Variants in DOP1B observed in about 807,000 individuals in gnomAD.
DOP1B encodes protein DOP1B.
In DOP1B, 174 loss-of-function variants were observed where a neutral mutation model predicts 233.5. The ratio of observed to expected loss-of-function variants is 0.75; its 90% CI spans 0.66 to 0.85. The LOEUF is 0.85. Among genes scored for constraint, DOP1B ranks in the 40% least tolerant of loss-of-function variants. The pLI is 0.00. For missense variants in DOP1B, 2,652 were observed against 2,846.6 expected (o/e 0.93, Z 1.56); for synonymous variants, 1,190 against 1,185.6 (o/e 1.00, Z -0.08).
At chr21:36,199,360 G>C (rs1016824474) in intron 3 of DOP1B, 109 bp downstream of exon 3, 7 of 1,378,934 alleles carry the variant, frequency 5.1e-6, no homozygotes, top group Non-Finnish European at 5.9e-6. Flanking sequence ...GGCTGTGTGT[G>C]CAACAGTTTA....
intron 26 of DOP1B, among the ~76,000 whole-genome samples, chr21:36,264,627 A>C (rs1369007869): frequency 1.3e-5 from 2 of 151,728 alleles, no homozygotes; most frequent in African/African-American, 4.8e-5. Flanking sequence ...ACATGCCACC[A>C]CGCCCGGCTA....
In DOP1B at chr21:36,268,841, TG is replaced by T. The variant is rs539831181; in HGVS notation, c.5488-1171del. 4.0e-3 allele frequency among the ~76,000 whole-genome samples: 610 copies of T among 151,814 alleles called. 1 individual carries two copies. Among genetic ancestry groups the T allele is most frequent in the Non-Finnish European group, 7.2e-3 (487 of 67,902 alleles). On this transcript the variant is annotated intron_variant, in intron 26 of 36. Transcript: ENST00000691173. ...TGCACCACCACGCCTAGCTAATTTT[TG>T]TATTTTTAGCAGAGACGGGGTTTCA...
At chr21:36,227,375 A>C (rs112654935) in intron 12 of DOP1B, among the ~76,000 whole-genome samples, 2 of 150,492 alleles carry the variant, frequency 1.3e-5, no homozygotes, top group Admixed American at 1.3e-4. Context: ...GTGAAACCCC[A>C]TCTCTACTAA....
intron 33 of DOP1B, 136 bp from the exon 34 acceptor site, chr21:36,288,620 C>T: frequency 1.5e-6 from 1 of 683,244 alleles, no homozygotes; most frequent in South Asian, 2.0e-5. Context: ...CACTGCACTC[C>T]AGACTGGGTG....
At chr21:36,247,666 A>AT in intron 20 of DOP1B, 38 bp downstream of exon 20, 1 of 1,452,294 alleles carries the variant, frequency 6.9e-7, no homozygotes, top group Non-Finnish European at 9.5e-7. Flanking sequence ...GGCAATTTTC[A>AT]TGTATTGTTT....
At chr21:36,271,076 T>C (rs1412120440) in intron 27 of DOP1B, among the ~76,000 whole-genome samples, 1 of 151,768 alleles carries the variant, frequency 6.6e-6, no homozygotes, top group Non-Finnish European at 1.5e-5. Flanking sequence ...CAGTTTTATT[T>C]GTCAGTTATA....
intron 35 of DOP1B, among the ~76,000 whole-genome samples, chr21:36,290,206 CA>C (rs1236668306): frequency 5.3e-5 from 8 of 152,196 alleles, no homozygotes; most frequent in Non-Finnish European, 7.3e-5. Context: ...AGCTGTTCTG[CA>C]AAAGAAAGTC....
chr21:36,259,349 C>T (rs1471205089), intron 23 of DOP1B, among the ~76,000 whole-genome samples: 3 of 151,002 alleles, frequency 2.0e-5, no homozygotes, highest in African/African-American at 7.3e-5. Context: ...TGGTTCACTG[C>T]AACCTCTGCC....
intron 26 of DOP1B, among the ~76,000 whole-genome samples, chr21:36,266,994 G>T (rs892511523): frequency 6.6e-6 from 1 of 151,958 alleles, no homozygotes; most frequent in Non-Finnish European, 1.5e-5. Context: ...CACTTCCCTC[G>T]AGCGCACCCT....
At chr21:36,187,115 G>C (rs1748667571) in intron 2 of DOP1B, among the ~76,000 whole-genome samples, 1 of 144,874 alleles carries the variant, frequency 6.9e-6, no homozygotes, top group South Asian at 2.2e-4. Context: ...CAGACGGTGA[G>C]TGGGTGCCAG....
chr21:36,248,703 T>C, intron 21 of DOP1B, 135 bp downstream of exon 21: 3 of 877,632 alleles, frequency 3.4e-6, no homozygotes, highest in Non-Finnish European at 4.8e-6. Context: ...GAAGTAGAAA[T>C]CTCTAGTTCA....
intron 28 of DOP1B, 115 bp downstream of exon 28, chr21:36,277,215 G>A (rs1175600482): frequency 3.0e-6 from 3 of 1,009,194 alleles, no homozygotes; most frequent in Non-Finnish European, 4.4e-6. Flanking sequence ...CCTCCCAGGT[G>A]AGCTCGTCCA....
chr21:36,187,893 G>A (rs930512490), intron 2 of DOP1B, among the ~76,000 whole-genome samples: 3 of 152,102 alleles, frequency 2.0e-5, no homozygotes, highest in Non-Finnish European at 4.4e-5. Flanking sequence ...AAGCCACTGC[G>A]CCTGGCCTGC....
intron 4 of DOP1B, among the ~76,000 whole-genome samples, chr21:36,204,743 C>T (rs1243803070): frequency 2.0e-5 from 3 of 150,376 alleles, no homozygotes; most frequent in Non-Finnish European, 2.9e-5. Flanking sequence ...CAACCTCCAC[C>T]TCCCGGGTAC....
chr21:36,228,217 C>G (rs9981261), intron 13 of DOP1B, among the ~76,000 whole-genome samples: 70,626 of 151,782 alleles, frequency 0.47, 16,630 homozygotes, highest in South Asian at 0.5. Context: ...AATCCCAGCA[C>G]TTTGGCAAGC....
chr21:36,281,098 G>T (rs893616945), intron 31 of DOP1B, among the ~76,000 whole-genome samples: 6 of 152,028 alleles, frequency 3.9e-5, no homozygotes, highest in Admixed American at 2.6e-4. Context: ...GAGCCCAGGG[G>T]TTCAAGACCA....
In DOP1B at chr21:36,230,630, G is replaced by A. The variant is rs768977976; in HGVS notation, c.1846G>A (p.Val616Ile). 39 of 1,614,094 alleles carry A rather than the reference G, an allele frequency of 2.4e-5. No individual in the cohort carries two copies. Among genetic ancestry groups the A allele is most frequent in the Middle Eastern group, 1.6e-4 (1 of 6,084 alleles). The change falls in exon 14 of 37, where the codon GTT becomes ATT. Residue 616 changes from valine to isoleucine, a missense_variant. Physicochemically the swap from Val to Ile is conservative, Grantham distance 29. Coordinates refer to ENST00000691173, the MANE Select transcript of DOP1B (RefSeq NM_001320714.2). ...VPRVSLERDD[V>I]WKKGGSMQRT... ...TCGAGTTTCTCTGGAAAGGGACGAC[G>A]TTTGGAAGAAGGGCGGGAGCATGCA...
chr21:36,203,838 T>G (rs929658946), intron 4 of DOP1B, among the ~76,000 whole-genome samples: 4 of 151,950 alleles, frequency 2.6e-5, no homozygotes, highest in African/African-American at 9.7e-5. Context: ...TCTAACCCTT[T>G]GGGGTCTGCA....
At chr21:36,158,369 T>C (rs2065839224) in intron 1 of DOP1B, among the ~76,000 whole-genome samples, 1 of 152,188 alleles carries the variant, frequency 6.6e-6, no homozygotes, top group Non-Finnish European at 1.5e-5. Context: ...AGTGGAGACC[T>C]GTACTATCTC....
Sources: allele counts gnomAD v4.1 joint callset (sites outside exome capture counted in the v4.1 genomes callset), GRCh38; gene constraint gnomAD v4.1.1; transcripts MANE v1.5; gene names NCBI Gene and HGNC (gene_info 2026-07-23, HGNC 2026-07-21).